The following AMMECR1 variants were observed in gnomAD, a reference collection of about 807,000 sequenced individuals.
The protein encoded by AMMECR1 is nuclear protein AMMECR1.
A neutral mutation model predicts 22.5 loss-of-function variants in AMMECR1; 3 were observed. The ratio of observed to expected loss-of-function variants is 0.13; its 90% CI spans 0.06 to 0.35. The LOEUF is 0.35. Ranked by LOEUF, AMMECR1 falls within the 10% of genes least tolerant of loss-of-function variation. The pLI is 1.00. For synonymous variants in AMMECR1, 130 were observed against 116.7 expected (o/e 1.11, Z -0.74); for missense variants, 235 against 278.7 (o/e 0.84, Z 1.12).
At chrX:110,377,912 G>A (rs2148270551) in intron 2 of AMMECR1, among the ~76,000 whole-genome samples, 1 of 105,814 alleles carries the variant, frequency 9.5e-6, no homozygotes, top group South Asian at 4.4e-4. Flanking sequence ...GGGAGGCTGA[G>A]GCAGGAGAAT....
Position 110,317,619 on chromosome X carries a change from G to A in AMMECR1, c.453C>T (p.Pro151=). 1 of 1,194,679 alleles carries A rather than the reference G, an allele frequency of 8.4e-7. No homozygotes were observed. The highest frequency in any genetic ancestry group is 2.2e-5 in the Admixed American group (1 of 44,805). ...CTCACTAGGGCTCGTTGGTGAATCG[G>A]GGGGTCCGGGGCTGCTGGTATCCAT... The part of the protein sequence containing the change: ...HLYGYQQPRT[P]RFTNEPYPLF... Residue 151 remains proline (P), a synonymous_variant, in exon 1 of 6, where the codon CCC becomes CCT. Transcript: ENST00000262844.
At chrX:110,423,795 C>T (rs1342116963) in intron 2 of AMMECR1, among the ~76,000 whole-genome samples, 1 of 112,199 alleles carries the variant, frequency 8.9e-6, no homozygotes, top group Non-Finnish European at 1.9e-5. Context: ...ATGGTTTGTT[C>T]TGATCACACA....
intron 2 of AMMECR1, among the ~76,000 whole-genome samples, chrX:110,328,613 C>T (rs1256040613): frequency 9.2e-6 from 1 of 108,826 alleles, no homozygotes; most frequent in African/African-American, 3.4e-5. Flanking sequence ...CTATCCCTCC[C>T]CCAGGCCCCC....
At chrX:110,296,934 AT>A (rs1434921954) in intron 1 of AMMECR1, among the ~76,000 whole-genome samples, 1 of 110,521 alleles carries the variant, frequency 9.0e-6, no homozygotes, top group East Asian at 2.8e-4. Context: ...GTTGGTTTTA[AT>A]TTTTTTTAGT....
intron 2 of AMMECR1, among the ~76,000 whole-genome samples, chrX:110,421,413 C>G (rs1023691153): frequency 4.4e-5 from 5 of 112,543 alleles, no homozygotes; most frequent in African/African-American, 1.3e-4. Flanking sequence ...GACCTAATGT[C>G]TGTGAGGGAA....
intron 2 of AMMECR1, among the ~76,000 whole-genome samples, chrX:110,338,604 G>A (rs765048894): frequency 2.7e-5 from 3 of 111,661 alleles, no homozygotes; most frequent in African/African-American, 9.8e-5. Flanking sequence ...TACACAGCCC[G>A]TAACATCAGT....
intron 2 of AMMECR1, among the ~76,000 whole-genome samples, chrX:110,329,716 T>C (rs1047243477): frequency 8.9e-6 from 1 of 112,214 alleles, no homozygotes; most frequent in Non-Finnish European, 1.9e-5. Flanking sequence ...TCAGGAATGA[T>C]GGTGATGCCA....
chrX:110,216,014 A>T (rs1184093110), intron 3 of AMMECR1, among the ~76,000 whole-genome samples: 2 of 112,472 alleles, frequency 1.8e-5, no homozygotes, highest in Non-Finnish European at 3.8e-5. Context: ...TAGAGTGTTT[A>T]AGTGTATAAA....
intron 2 of AMMECR1, among the ~76,000 whole-genome samples, chrX:110,325,677 C>CT (rs949485223): frequency 7.1e-5 from 8 of 112,011 alleles, no homozygotes; most frequent in African/African-American, 2.6e-4. Context: ...AGTCTTTTCT[C>CT]TTTTTTTGTC....
chrX:110,247,169 T>C (rs764698103), intron 2 of AMMECR1, among the ~76,000 whole-genome samples: 242 of 112,526 alleles, frequency 2.2e-3, no homozygotes, highest in Middle Eastern at 4.6e-3. Flanking sequence ...ATGTGGGACT[T>C]GAATATGTGA....
chrX:110,413,882 T>C (rs773073459), intron 2 of AMMECR1, among the ~76,000 whole-genome samples: 1 of 111,488 alleles, frequency 9.0e-6, no homozygotes, highest in African/African-American at 3.3e-5. Flanking sequence ...ATACTACCCA[T>C]CTTATGACAT....
In AMMECR1 at chrX:110,297,127, C is replaced by T. The variant is rs149098019; in HGVS notation, c.473+20472G>A. The stretch of plus-strand genomic sequence containing the variant: ...CAGCTACCTAGTGGTCAGCTAATGA[C>T]CGACATATTTTCTAAAATGTTTTGA... On this transcript the variant is annotated intron_variant, in intron 1 of 5. Transcript: ENST00000262844. Among the ~76,000 whole-genome samples the T allele has an allele frequency of 3.6e-3, 402 of 111,442 alleles. 1 individual carries two copies. Among genetic ancestry groups the T allele is most frequent in the Non-Finnish European group, 5.4e-3 (286 of 53,021 alleles).
In AMMECR1 at chrX:110,422,102, A is replaced by C. The variant is rs768811834; in HGVS notation, c.-148+4556T>G. ...TGGCTGGGATCAAATCAGAGAACAC[A>C]CCCAGACTTGGCATAGTGCCTGGCA... On this transcript the variant is annotated intron_variant, in intron 2 of 7. Coordinates refer to the AMMECR1 transcript ENST00000372057. Among the ~76,000 whole-genome samples, 229 of 113,107 alleles carry C rather than the reference A, an allele frequency of 2.0e-3. 1 individual carries two copies. Among genetic ancestry groups the C allele is most frequent in the Admixed American group, 9.3e-4 (10 of 10,762 alleles).
intron 2 of AMMECR1, among the ~76,000 whole-genome samples, chrX:110,383,703 C>A (rs1220088529): frequency 8.9e-6 from 1 of 112,044 alleles, no homozygotes; most frequent in Admixed American, 9.5e-5. Context: ...TCCTTTAAGA[C>A]CCTGCTCAAC....
At chrX:110,388,555 T>C (rs2068473625) in intron 2 of AMMECR1, among the ~76,000 whole-genome samples, 2 of 111,835 alleles carry the variant, frequency 1.8e-5, no homozygotes, top group African/African-American at 6.5e-5. Context: ...GATGAAATAA[T>C]AGCAGATATA....
upstream of AMMECR1, chrX:110,318,304 T>G (rs1465809213): frequency 1.8e-5 from 2 of 113,247 alleles, no homozygotes; most frequent in African/African-American, 3.3e-5. Flanking sequence ...CCCGCCCGAC[T>G]CGTGCCTCTT....
At chrX:110,305,232 C>T (rs2067987538) in intron 1 of AMMECR1, among the ~76,000 whole-genome samples, 1 of 111,961 alleles carries the variant, frequency 8.9e-6, no homozygotes, top group South Asian at 3.8e-4. Context: ...ATATTAGAAC[C>T]AGTCATAATA....
At chrX:110,238,022 A>G (rs1418064977) in intron 2 of AMMECR1, among the ~76,000 whole-genome samples, 1 of 111,762 alleles carries the variant, frequency 8.9e-6, no homozygotes, top group Non-Finnish European at 1.9e-5. Flanking sequence ...AATTATTTCC[A>G]GGATTCTGGA....
In AMMECR1 at chrX:110,318,083, CT is replaced by C; in HGVS notation, c.-13del. ...CAACCCGCCGCCATCTTGGAACAGT[CT>C]CCCCCACGCAGCGTTTCCGACCCAT... On this transcript the variant is annotated 5_prime_UTR_variant, in exon 1 of 6. Coordinates refer to ENST00000262844, the MANE Select transcript of AMMECR1 (RefSeq NM_015365.3). 3.4e-6 allele frequency: 4 copies of C among 1,175,806 alleles called. No homozygotes were observed. The highest frequency in any genetic ancestry group is 4.6e-6 in the Non-Finnish European group (4 of 877,094).
Sources: allele counts gnomAD v4.1 joint callset (sites outside exome capture counted in the v4.1 genomes callset), GRCh38; gene constraint gnomAD v4.1.1; transcripts MANE v1.5; gene names NCBI Gene and HGNC (gene_info 2026-07-23, HGNC 2026-07-21).